The following BMF variants were observed in gnomAD, a reference collection of about 807,000 sequenced individuals.
The protein encoded by BMF is Bcl2 modifying factor.
BMF carries 10 observed loss-of-function variants against 22.0 expected under a neutral mutation model. The ratio of observed to expected loss-of-function variants is 0.45; its 90% CI spans 0.28 to 0.77. The LOEUF (loss-of-function observed/expected upper bound fraction) is 0.77, where lower values mean the gene tolerates loss of function less well. Among genes scored for constraint, BMF ranks in the 30% least tolerant of loss-of-function variants. The pLI is 0.13. For missense variants in BMF, 206 were observed against 226.8 expected (o/e 0.91, Z 0.59); for synonymous variants, 87 against 88.1 (o/e 0.99, Z 0.07).
chr15:40,097,987 G>A (rs2036400854), intron 4 of BMF, among the ~76,000 whole-genome samples: 1 of 152,168 alleles, frequency 6.6e-6, no homozygotes, highest in Admixed American at 6.5e-5. Flanking sequence ...CAACCCCTTG[G>A]ACCCAGTGGG....
At chr15:40,097,204 CTACCAAGCACCCAACT>C (rs2036382268) in intron 4 of BMF, among the ~76,000 whole-genome samples, 1 of 150,442 alleles carries the variant, frequency 6.6e-6, no homozygotes, top group Non-Finnish European at 1.5e-5. Flanking sequence ...CCCAACTGAG[CTACCAAGCACCCAACT>C]GAGCTACCAA....
At position 40,108,806 on chromosome 15, in the gene BMF, G is replaced by GGGCGGC. The variant is rs1032422056; in HGVS notation, c.-173_-168dup. On this transcript the variant is annotated 5_prime_UTR_variant, in exon 1 of 5. Coordinates refer to ENST00000354670, the MANE Select transcript of BMF (RefSeq NM_001003940.2). Reference sequence around the variant, plus strand: ...GGCAGGAGGCGGGAGGCGCAGGCAGGGGCGGCGGCGGCGGCGGGCACAGGC... The same window carrying GGGCGGC: ...GGCAGGAGGCGGGAGGCGCAGGCAGGGGCGGCGGCGGCGGCGGCGGCGGGCACAGGC... 2 of 153,870 alleles carry GGGCGGC rather than the reference G, an allele frequency of 1.3e-5. No individual in the cohort carries two copies. The highest frequency in any genetic ancestry group is 1.3e-4 in the Admixed American group (2 of 15,284). The allele number at this position is 153,870 out of a possible 1,614,324, so 9.5% of individuals were successfully genotyped here. A position where few individuals can be genotyped will look rare whatever the true frequency, so the allele number is the denominator to read the frequency against.
In BMF at chr15:40,098,778, C is replaced by G. The variant is rs563063207; in HGVS notation, c.453+5402G>C. On this transcript the variant is annotated intron_variant, in intron 4 of 4. Transcript: ENST00000354670. ...TCACCCACTTTCCAAAAAAAAAAGC[C>G]AATTTCCATCCCATGGCAGGCCTTG... is the stretch of plus-strand genomic sequence containing the variant. 2.6e-4 allele frequency among the ~76,000 whole-genome samples: 39 copies of G among 152,264 alleles called. 1 individual carries two copies. The highest frequency in any genetic ancestry group is 2.0e-3 in the Admixed American group (30 of 15,298).
intron 4 of BMF, among the ~76,000 whole-genome samples, chr15:40,099,430 T>C (rs2036429711): frequency 6.6e-6 from 1 of 152,214 alleles, no homozygotes; most frequent in Admixed American, 6.5e-5. Context: ...TTAATAGTTA[T>C]TTGTATCACA....
At chr15:40,092,549 C>T (rs2036261756) in intron 4 of BMF, among the ~76,000 whole-genome samples, 1 of 152,192 alleles carries the variant, frequency 6.6e-6, no homozygotes, top group East Asian at 1.9e-4. Context: ...ATGCTCTTGA[C>T]AGTAAGCCAT....
In BMF at chr15:40,088,012, A is replaced by T. The variant is rs536660189; in HGVS notation, c.*3775T>A. ...AGCCAAAGGCTCTGTACAGTTTTTT[A>T]AAAAATGGGGCCCCTTTCTTCTTCC... On this transcript the variant is annotated 3_prime_UTR_variant, in exon 5 of 5. Transcript: ENST00000354670. 31 of 152,640 alleles carry T rather than the reference A, an allele frequency of 2.0e-4. No individual in the cohort carries two copies. The highest frequency in any genetic ancestry group is 5.2e-4 in the Admixed American group (8 of 15,312). 9.5% of individuals were successfully genotyped at this position (152,640 alleles called of 1,614,324 possible).
intron 4 of BMF, 44 bp from the exon 5 acceptor site, chr15:40,091,932 C>T (rs992092862): frequency 7.3e-7 from 1 of 1,372,156 alleles, no homozygotes; most frequent in South Asian, 1.3e-5. Context: ...CTCCCAAACG[C>T]AATCTTAGAC....
At chr15:40,100,758 G>T (rs2036459402) in intron 4 of BMF, among the ~76,000 whole-genome samples, 1 of 152,212 alleles carries the variant, frequency 6.6e-6, no homozygotes, top group Non-Finnish European at 1.5e-5. Flanking sequence ...GGAACCTGTT[G>T]CATCTGGAGC....
chr15:40,090,819 T>TGGTA lies in BMF; in HGVS notation c.*964_*967dup, dbSNP rs1300290534. 1 of 152,248 alleles carries TGGTA rather than the reference T, an allele frequency of 6.6e-6. No individual in the cohort carries two copies. The highest frequency in any genetic ancestry group is 2.4e-5 in the African/African-American group (1 of 41,440). The allele number at this position is 152,248 out of a possible 1,614,324, so 9.4% of individuals were successfully genotyped here. A position where few individuals can be genotyped will look rare whatever the true frequency, so the allele number is the denominator to read the frequency against. On this transcript the variant is annotated 3_prime_UTR_variant, in exon 5 of 5. Coordinates refer to ENST00000354670, the MANE Select transcript of BMF (RefSeq NM_001003940.2). ...TGGGGTCCCCTACGGCTGACTCTCATGGTAGGGTGGCCACCATATTTTCCG... is the reference window on the plus strand; with the variant it reads ...TGGGGTCCCCTACGGCTGACTCTCATGGTAGGTAGGGTGGCCACCATATTTTCCG...
Position 40,091,464 on chromosome 15 carries a change from A to G in BMF, c.*323T>C, listed in dbSNP as rs1295531802. 1.7e-5 allele frequency: 4 copies of G among 238,658 alleles called. No homozygotes were observed. In the East Asian group the frequency reaches 2.5e-4, roughly 15 times the overall value. 14.8% of individuals were successfully genotyped at this position (238,658 alleles called of 1,614,324 possible). ...GTCCACTTCCCAGAGAACATCACTA[A>G]CGGATCATCTTCGACAACTGGTAGA... On this transcript the variant is annotated 3_prime_UTR_variant, in exon 5 of 5. Coordinates refer to ENST00000354670, the MANE Select transcript of BMF (RefSeq NM_001003940.2).
rs767630027 is a variant in BMF, at chr15:40,091,778, A to G, written c.*9T>C. The G allele has an allele frequency of 4.4e-6, 7 of 1,596,838 alleles. No homozygotes were observed. The highest frequency in any genetic ancestry group is 6.0e-6 in the Non-Finnish European group (7 of 1,170,418). The stretch of plus-strand genomic sequence containing the variant: ...TCCTGGTGCCCCATGTGAAGAGGGC[A>G]GCCCACCCTCACCTAGGGCCTGCCC... On this transcript the variant is annotated 3_prime_UTR_variant, in exon 5 of 5. Coordinates refer to ENST00000354670, the MANE Select transcript of BMF (RefSeq NM_001003940.2).
rs778687569 is a variant in BMF at position 40,105,817 on chromosome 15, C to T, written c.270G>A (p.Glu90=). ...QGVMLPCGVT[E]EPQRLFYGNA... ...CACCATAAAAGAGTCGCTGGGGTTC[C>T]TCAGTCACCCCACAAGGCAGCATGA... The change falls in exon 3 of 5, where the codon GAG becomes GAA. Residue 90 remains glutamate, a synonymous_variant. Transcript: ENST00000354670. 3.9e-5 allele frequency: 63 copies of T among 1,610,818 alleles called. No homozygotes were observed. In the South Asian group the frequency reaches 6.9e-4, roughly 18 times the overall value.
intron 4 of BMF, among the ~76,000 whole-genome samples, chr15:40,094,400 G>A (rs1182813033): frequency 6.6e-6 from 1 of 152,136 alleles, no homozygotes; most frequent in Non-Finnish European, 1.5e-5. Context: ...CCCTTGGGAA[G>A]GAACTAGTTT....
At chr15:40,095,171 T>C (rs1335190979) in intron 4 of BMF, among the ~76,000 whole-genome samples, 5 of 152,224 alleles carry the variant, frequency 3.3e-5, no homozygotes, top group Admixed American at 6.5e-5. Context: ...CAGGCTCCCT[T>C]TGGCCTTCTC....
chr15:40,092,789 G>A (rs746476811), intron 4 of BMF, among the ~76,000 whole-genome samples: 4 of 152,072 alleles, frequency 2.6e-5, no homozygotes, highest in Non-Finnish European at 4.4e-5. Flanking sequence ...GAGGCCTGGG[G>A]GGGTGGAAAC....
Position 40,106,089 on chromosome 15 carries a change from C to G in BMF, c.-3G>C. The G allele has an allele frequency of 1.3e-6, 2 of 1,592,468 alleles. No individual in the cohort carries two copies. The highest frequency in any genetic ancestry group is 2.3e-5 in the South Asian group (2 of 88,596). ...TCCACACACTGAGATGGCTCCATCT[C>G]TCCTGTGAGGGGGCAACGCAGGCAT... On this transcript the variant is annotated splice_region_variant and 5_prime_UTR_variant, in exon 3 of 5. Coordinates refer to ENST00000354670, the MANE Select transcript of BMF (RefSeq NM_001003940.2). This position sits in a 1 kb window ranked among gnomAD's most constrained non-coding sequence, Gnocchi z 4.1.
chr15:40,105,069 C>G (rs1355307098), intron 3 of BMF, among the ~76,000 whole-genome samples: 1 of 152,184 alleles, frequency 6.6e-6, no homozygotes, highest in Non-Finnish European at 1.5e-5. Context: ...CAGAACTGCC[C>G]TAAGGGGCAG....
In BMF at chr15:40,088,617, A is replaced by G. The variant is rs1540686; in HGVS notation, c.*3170T>C. On this transcript the variant is annotated 3_prime_UTR_variant, in exon 5 of 5. Coordinates refer to ENST00000354670, the MANE Select transcript of BMF (RefSeq NM_001003940.2). ...CTTCCTGGGAGGCCCTGGCTGAACCATCCCGAATAACCCCCAGGCAGGGGC... is the reference window on the plus strand; with the variant it reads ...CTTCCTGGGAGGCCCTGGCTGAACCGTCCCGAATAACCCCCAGGCAGGGGC... The G allele has an allele frequency of 0.46, 69,659 of 152,386 alleles. 15,975 individuals carry two copies. Among genetic ancestry groups the G allele is most frequent in the East Asian group, 0.59 (3,041 of 5,176 alleles). The allele number at this position is 152,386 out of a possible 1,614,324, so 9.4% of individuals were successfully genotyped here.
Position 40,105,979 on chromosome 15 carries a change from G to A in BMF, c.108C>T (p.Ala36=). The A allele has an allele frequency of 1.9e-6, 3 of 1,614,064 alleles. No individual in the cohort carries two copies. Among genetic ancestry groups the A allele is most frequent in the Non-Finnish European group, 2.5e-6 (3 of 1,180,014 alleles). Residue 36 remains alanine, a synonymous_variant, in exon 3 of 5, where the codon GCC becomes GCT. Transcript: ENST00000354670. The part of the protein sequence containing the change: ...PGSLLSADLF[A]QSLLDCPLSR... ...TGAGGGGGCAGTCCAGTAGGCTCTG[G>A]GCAAACAGGTCAGCAGAGAGCAAGC...
Sources: allele counts gnomAD v4.1 joint callset (sites outside exome capture counted in the v4.1 genomes callset), GRCh38; gene constraint gnomAD v4.1.1; non-coding constraint Gnocchi (gnomAD v3.1); transcripts MANE v1.5; gene names NCBI Gene and HGNC (gene_info 2026-07-23, HGNC 2026-07-21).